The following PTPRN2 variants were observed in gnomAD, a reference collection of about 807,000 sequenced individuals.
The protein encoded by PTPRN2 is protein tyrosine phosphatase receptor type N2.
A neutral mutation model predicts 118.8 loss-of-function variants in PTPRN2; 74 were observed. The observed-to-expected ratio is 0.62, with a 90% CI of 0.52 to 0.76. The LOEUF (loss-of-function observed/expected upper bound fraction) is 0.76, where lower values mean the gene tolerates loss of function less well. Among genes scored for constraint, PTPRN2 ranks in the 30% least tolerant of loss-of-function variants. The probability of loss-of-function intolerance (pLI) is 0.00; values close to 1 mark genes in which losing one functional copy is unlikely to be tolerated. For missense variants in PTPRN2, 1,481 were observed against 1,394.4 expected, an observed-to-expected ratio of 1.06 and a Z score of -0.99; for synonymous variants, 641 against 608.0, an observed-to-expected ratio of 1.05 and a Z score of -0.80.
chr7:158,247,784 CTT>C (rs1203775293), intron 3 of PTPRN2, among the ~76,000 whole-genome samples: 1 of 152,092 alleles, frequency 6.6e-6, no homozygotes, highest in Non-Finnish European at 1.5e-5. Flanking sequence ...GCCTGGGTAA[CTT>C]TGTAATTTTA....
rs1801478708 is a variant in PTPRN2, at chr7:157,598,484, G to A, written c.2419-3169C>T. Among the ~76,000 whole-genome samples the A allele has an allele frequency of 6.7e-6, 1 of 148,310 alleles. No individual in the cohort carries two copies. Among genetic ancestry groups the A allele is most frequent in the South Asian group, 2.1e-4 (1 of 4,788 alleles). On this transcript the variant is annotated intron_variant, in intron 16 of 22. Coordinates refer to ENST00000389418, the MANE Select transcript of PTPRN2 (RefSeq NM_002847.5). This position sits in a 1 kb window ranked among gnomAD's most constrained non-coding sequence, Gnocchi z 5.2. Reference sequence around the variant, plus strand: ...ATGGTGGGTGAGCTCAGGGAGTGAGGAGCTTGGACGTCGGCGTCTCCGGGC... The same window carrying A: ...ATGGTGGGTGAGCTCAGGGAGTGAGAAGCTTGGACGTCGGCGTCTCCGGGC...
chr7:158,278,416 G>A lies in PTPRN2; in HGVS notation c.277+38403C>T, dbSNP rs371461315. ...TAATCCCAGCTACGCGGGAGGCTGC[G>A]GGTGAAGGTGGGCGCCTGTAATCCC... On this transcript the variant is annotated intron_variant, in intron 3 of 22. Transcript: ENST00000389418. 1.4e-4 allele frequency among the ~76,000 whole-genome samples: 21 copies of A among 147,222 alleles called. No homozygotes were observed. In the East Asian group the frequency reaches 2.1e-3, roughly 15 times the overall value.
intron 2 of PTPRN2, among the ~76,000 whole-genome samples, chr7:158,382,989 C>T (rs538687730): frequency 6.6e-6 from 1 of 152,286 alleles, no homozygotes; most frequent in Admixed American, 6.5e-5. Context: ...GGAAGCTGGT[C>T]CCTGGTGCCA....
chr7:158,417,818 G>A (rs1219717714), intron 2 of PTPRN2, among the ~76,000 whole-genome samples: 1 of 145,132 alleles, frequency 6.9e-6, no homozygotes, highest in Non-Finnish European at 1.5e-5. Flanking sequence ...AGCTTTCAGT[G>A]TCCCGCTGTG....
At chr7:157,656,641 C>T (rs1047165760) in intron 13 of PTPRN2, 90 bp from the exon 14 acceptor site, 14 of 1,254,124 alleles carry the variant, frequency 1.1e-5, no homozygotes, top group Admixed American at 1.1e-4. Context: ...GGCACAACCC[C>T]TTCTCCTGCT....
intron 13 of PTPRN2, among the ~76,000 whole-genome samples, chr7:157,665,686 T>C (rs1652778926): frequency 6.6e-6 from 1 of 152,196 alleles, no homozygotes; most frequent in African/African-American, 2.4e-5. Flanking sequence ...CATGCACACA[T>C]ATGTTTATTG....
chr7:157,546,721 G>A (rs1251017935), intron 22 of PTPRN2, among the ~76,000 whole-genome samples: 2 of 152,202 alleles, frequency 1.3e-5, no homozygotes, highest in East Asian at 3.8e-4. Context: ...CTGCCATCTT[G>A]CCATTTAAAA....
intron 11 of PTPRN2, among the ~76,000 whole-genome samples, chr7:157,976,320 C>T (rs923954638): frequency 2.6e-5 from 4 of 152,230 alleles, no homozygotes; most frequent in South Asian, 2.1e-4. Context: ...TGAGACCCAG[C>T]GGCTCCTCTG....
intron 12 of PTPRN2, among the ~76,000 whole-genome samples, chr7:157,685,294 A>G (rs1318891972): frequency 6.6e-6 from 1 of 151,724 alleles, no homozygotes; most frequent in African/African-American, 2.4e-5. Flanking sequence ...CCGCGCGCTC[A>G]CGTGGATGAC....
chr7:157,776,039 G>A (rs953035682), intron 12 of PTPRN2, among the ~76,000 whole-genome samples: 1 of 151,010 alleles, frequency 6.6e-6, no homozygotes, highest in Non-Finnish European at 1.5e-5. Flanking sequence ...GGCGGAGGGG[G>A]CGTCACCTCC....
At chr7:158,323,866 C>A (rs1168801271) in intron 2 of PTPRN2, among the ~76,000 whole-genome samples, 1 of 152,136 alleles carries the variant, frequency 6.6e-6, no homozygotes, top group Non-Finnish European at 1.5e-5. Flanking sequence ...CACATTCATA[C>A]CTGCATGAAC....
chr7:158,388,197 T>TG lies in PTPRN2; in HGVS notation c.164-71266dup, dbSNP rs540962418. On this transcript the variant is annotated intron_variant, in intron 2 of 22. Coordinates refer to ENST00000389418, the MANE Select transcript of PTPRN2 (RefSeq NM_002847.5). ...CTGTCCACACTGAACAAGAAGCCCC[T>TG]GGACCCTTCCGAGTGGCCATCACCT... Among the ~76,000 whole-genome samples the TG allele has an allele frequency of 4.0e-3, 613 of 152,212 alleles. 3 individuals carry two copies. Among genetic ancestry groups the TG allele is most frequent in the Non-Finnish European group, 6.7e-3 (457 of 67,996 alleles).
intron 2 of PTPRN2, among the ~76,000 whole-genome samples, chr7:158,323,240 C>T (rs1803185729): frequency 6.6e-6 from 1 of 152,188 alleles, no homozygotes. Flanking sequence ...ACTGGGGGGC[C>T]TCACACCCCC....
intron 2 of PTPRN2, among the ~76,000 whole-genome samples, chr7:158,329,047 C>T (rs1427564911): frequency 6.6e-6 from 1 of 152,130 alleles, no homozygotes. Context: ...GCCTCCATTC[C>T]TCCCGCCACC....
intron 12 of PTPRN2, among the ~76,000 whole-genome samples, chr7:157,834,730 C>T (rs1807816667): frequency 6.6e-6 from 1 of 152,240 alleles, no homozygotes; most frequent in African/African-American, 2.4e-5. Context: ...TCCAGTGAGC[C>T]TGGAGCCGGC....
At chr7:158,533,893 C>A (rs1231964518) in intron 1 of PTPRN2, among the ~76,000 whole-genome samples, 1 of 152,220 alleles carries the variant, frequency 6.6e-6, no homozygotes, top group Non-Finnish European at 1.5e-5. Flanking sequence ...CCCTCCGTGC[C>A]GCCGTCACAG....
At chr7:158,210,188 T>C (rs1827491019) in intron 3 of PTPRN2, among the ~76,000 whole-genome samples, 1 of 138,260 alleles carries the variant, frequency 7.2e-6, no homozygotes, top group Non-Finnish European at 1.5e-5. Flanking sequence ...CAGGCTGGAG[T>C]GCAGTGGCGC....
Position 158,270,806 on chromosome 7 carries a change from TCACCTGGACCGCCCCCTC to T in PTPRN2, c.277+45995_277+46012del, listed in dbSNP as rs1269649830. On this transcript the variant is annotated intron_variant, in intron 3 of 22. Coordinates refer to ENST00000389418, the MANE Select transcript of PTPRN2 (RefSeq NM_002847.5). Reference sequence around the variant, plus strand: ...CCACCCCTCCACCTGGACCACCCCCTCACCTGGACCGCCCCCTCCACCTGGATGACCCCCTCACCTGGA... The same window carrying T: ...CCACCCCTCCACCTGGACCACCCCCTCACCTGGATGACCCCCTCACCTGGA... 1.1e-3 allele frequency among the ~76,000 whole-genome samples: 7 copies of T among 6,408 alleles called. 2 individuals carry two copies. Among genetic ancestry groups the T allele is most frequent in the Non-Finnish European group, 2.3e-3 (7 of 3,014 alleles). The allele number at this position is 6,408 out of a possible 152,430, so 4.2% of individuals were successfully genotyped here.
rs1475994401 is a variant in PTPRN2, at chr7:157,794,006, C to T, written c.1788+104667G>A. Among the ~76,000 whole-genome samples, 1 of 152,192 alleles carries T rather than the reference C, an allele frequency of 6.6e-6. No homozygotes were observed. Among genetic ancestry groups the T allele is most frequent in the Non-Finnish European group, 1.5e-5 (1 of 68,036 alleles). On this transcript the variant is annotated intron_variant, in intron 12 of 22. Coordinates refer to ENST00000389418, the MANE Select transcript of PTPRN2 (RefSeq NM_002847.5). This position sits in a 1 kb window ranked among gnomAD's most constrained non-coding sequence, Gnocchi z 5.2. ...CACAGCCCCTTCCCGGGTCCCCACC[C>T]TCCAGGCCACCTTCGGGCCTCGGCA...
Sources: allele counts gnomAD v4.1 joint callset (sites outside exome capture counted in the v4.1 genomes callset), GRCh38; gene constraint gnomAD v4.1.1; non-coding constraint Gnocchi (gnomAD v3.1); transcripts MANE v1.5; gene names NCBI Gene and HGNC (gene_info 2026-07-23, HGNC 2026-07-21).